Variants in NPHP4 observed in about 807,000 individuals in gnomAD.
NPHP4 encodes the protein nephrocystin 4.
A neutral mutation model predicts 155.8 loss-of-function variants in NPHP4; 151 were observed. The ratio of observed to expected loss-of-function variants is 0.97; its 90% CI spans 0.85 to 1.11. NPHP4 has a LOEUF of 1.11. Ranked by LOEUF, NPHP4 falls within the 50% of genes least tolerant of loss-of-function variation. The pLI, the probability that NPHP4 is intolerant of heterozygous loss-of-function variation, is 0.00. For synonymous variants in NPHP4, 845 were observed against 816.8 expected, an observed-to-expected ratio of 1.03 and a Z score of -0.59; for missense variants, 1,956 against 1,925.7, an observed-to-expected ratio of 1.02 and a Z score of -0.29.
chr1:5,907,476 A>G (rs1023081486), intron 12 of NPHP4, among the ~76,000 whole-genome samples: 2 of 152,262 alleles, frequency 1.3e-5, no homozygotes, highest in Non-Finnish European at 2.9e-5. Flanking sequence ...TATTATTAAC[A>G]AGGAAAACAA....
In NPHP4 at chr1:5,927,863, G is replaced by A. The variant is rs984061917; in HGVS notation, c.1303-76C>T. On this transcript the variant is annotated intron_variant, in intron 10 of 29. Coordinates refer to ENST00000378156, the MANE Select transcript of NPHP4 (RefSeq NM_015102.5). ...TATCAGAACGATCCAACCAGGAACA[G>A]CAGGCTCTGCCCTAAAACAAAGTCT... The A allele has an allele frequency of 2.0e-6, 3 of 1,468,856 alleles. No homozygotes were observed. In the East Asian group the frequency reaches 6.9e-5, roughly 34 times the overall value. The allele number at this position is 1,468,856 out of a possible 1,614,324, so 91.0% of individuals were successfully genotyped here. A position where few individuals can be genotyped will look rare whatever the true frequency, so the allele number is the denominator to read the frequency against.
intron 26 of NPHP4, chr1:5,866,168 G>A (rs972137334): frequency 6.7e-6 from 4 of 593,292 alleles, no homozygotes; most frequent in Non-Finnish European, 1.2e-5. Context: ...AGTCCCTCAG[G>A]CTGCACGTGC....
At chr1:5,968,485 C>T (rs1427083490) in intron 4 of NPHP4, among the ~76,000 whole-genome samples, 1 of 151,954 alleles carries the variant, frequency 6.6e-6, no homozygotes, top group African/African-American at 2.4e-5. Context: ...ACCTGTAATC[C>T]CAGCTACGTG....
intron 5 of NPHP4, among the ~76,000 whole-genome samples, chr1:5,965,471 T>C (rs1378547886): frequency 6.6e-6 from 1 of 152,140 alleles, no homozygotes; most frequent in Non-Finnish European, 1.5e-5. Flanking sequence ...TCCCAGCATA[T>C]GACTAATTAG....
chr1:5,864,371 C>G lies in NPHP4; in HGVS notation c.3963G>C (p.Val1321=). 1 of 1,609,456 alleles carries G rather than the reference C, an allele frequency of 6.2e-7. No individual in the cohort carries two copies. Among genetic ancestry groups the G allele is most frequent in the Non-Finnish European group, 8.5e-7 (1 of 1,178,024 alleles). The part of the protein sequence containing the change: ...DCHQLVASWL[V]CLCCRQPLIS... ...TGAGCGGCTGGCGGCAGCAGAGGCA[C>G]ACGAGCCAGGAGGCCACCAGCTGGT... is the stretch of plus-strand genomic sequence containing the variant. The change falls in exon 28 of 30, where the codon GTG becomes GTC. Residue 1321 remains valine, a synonymous_variant. Transcript: ENST00000378156.
At chr1:5,879,774 TGC>T (rs1491574860) in intron 19 of NPHP4, 9,852 of 327,276 alleles carry the variant, frequency 0.03, 1,027 homozygotes, top group African/African-American at 0.19. Context: ...CCACGAATGG[TGC>T]GCACACACAC....
intron 5 of NPHP4, among the ~76,000 whole-genome samples, chr1:5,967,050 G>A (rs1175602278): frequency 6.6e-6 from 1 of 152,214 alleles, no homozygotes; most frequent in Non-Finnish European, 1.5e-5. Flanking sequence ...CTCCCTCCAG[G>A]TGGCTCTCAC....
intron 13 of NPHP4, among the ~76,000 whole-genome samples, chr1:5,906,609 G>C (rs948806034): frequency 6.6e-6 from 1 of 152,250 alleles, no homozygotes; most frequent in Non-Finnish European, 1.5e-5. Flanking sequence ...CAAAGATGCA[G>C]TTTGCAGGTG....
At chr1:5,932,929 G>A (rs1646351461) in intron 10 of NPHP4, among the ~76,000 whole-genome samples, 1 of 152,214 alleles carries the variant, frequency 6.6e-6, no homozygotes, top group South Asian at 2.1e-4. Flanking sequence ...GTCATCCCAG[G>A]AAATCAGTAT....
At chr1:5,927,305 C>A (rs753529402) in intron 11 of NPHP4, among the ~76,000 whole-genome samples, 3 of 152,176 alleles carry the variant, frequency 2.0e-5, no homozygotes, top group Non-Finnish European at 2.9e-5. Flanking sequence ...ACAGTGCAAA[C>A]GCAAGGTGGC....
chr1:5,883,827 C>A (rs1242885225), intron 18 of NPHP4, among the ~76,000 whole-genome samples: 3 of 152,192 alleles, frequency 2.0e-5, no homozygotes, highest in Non-Finnish European at 4.4e-5. Flanking sequence ...CTATGCACCA[C>A]CCTGAGAAGT....
rs1214730322 is a variant in NPHP4, at chr1:5,869,239, A to ACGCACC, written c.3316-1344_3316-1343insGGTGCG. 5.7e-3 allele frequency among the ~76,000 whole-genome samples: 802 copies of ACGCACC among 141,066 alleles called. 11 individuals are homozygous for ACGCACC. Among genetic ancestry groups the ACGCACC allele is most frequent in the African/African-American group, 0.018 (738 of 39,984 alleles). 92.5% of individuals were successfully genotyped at this position (141,066 alleles called of 152,430 possible). The stretch of plus-strand genomic sequence containing the variant: ...CATACACATCCACCCACATGCACAC[A>ACGCACC]CACACACACACACATGCACACCCAC... On this transcript the variant is annotated intron_variant, in intron 23 of 29. Transcript: ENST00000378156.
chr1:5,874,817 C>T (rs540688449), intron 21 of NPHP4, 57 bp downstream of exon 21: 133 of 1,566,402 alleles, frequency 8.5e-5, no homozygotes, highest in South Asian at 7.4e-4. Context: ...GCAGGGGTGC[C>T]GGCTGCACCC....
At chr1:5,864,277 C>A in intron 28 of NPHP4, 61 bp downstream of exon 28, 1 of 1,472,950 alleles carries the variant, frequency 6.8e-7, no homozygotes, top group Non-Finnish European at 9.2e-7. Context: ...AGGTGGGGGT[C>A]CTGCAGTGCC....
chr1:5,871,105 G>T lies in NPHP4; in HGVS notation c.3315+2147C>A, dbSNP rs79777207. ...TTACCTGATAATTTATTCTCAAATT[G>T]TTCAAGAAAAATGCACAAACAGAGA... On this transcript the variant is annotated intron_variant, in intron 23 of 29. Coordinates refer to ENST00000378156, the MANE Select transcript of NPHP4 (RefSeq NM_015102.5). Among the ~76,000 whole-genome samples, 73 of 152,314 alleles carry T rather than the reference G, an allele frequency of 4.8e-4. No individual in the cohort carries two copies. The East Asian group carries it at 0.014, about 29-fold the overall frequency.
Position 5,867,779 on chromosome 1 carries a change from T to C in NPHP4, c.3433A>G (p.Lys1145Glu). The C allele has an allele frequency of 6.2e-7, 1 of 1,612,244 alleles. No individual in the cohort carries two copies. Among genetic ancestry groups the C allele is most frequent in the Middle Eastern group, 1.7e-4 (1 of 6,058 alleles). The change falls in exon 24 of 30, where the codon AAG (lysine) becomes GAG (glutamate). Residue 1145 changes from lysine (K) to glutamate (E), a missense_variant. Transcript: ENST00000378156. The surrounding 1 kb of genome is among the most constrained non-coding windows in gnomAD (Gnocchi z 4.1). ...CAGGGCGGCAGGCGGATGGCCTTCT[T>C]CAGGAAGGAGAGCTCCGGGTGATAG... ...RFYHPELSFL[K>E]KAIRLPPWHT...
rs767635344 is a variant in NPHP4, at chr1:5,986,225, C to A, written c.65G>T (p.Arg22Leu). The A allele has an allele frequency of 2.5e-6, 4 of 1,613,674 alleles. No homozygotes were observed. The African/African-American group carries it at 5.3e-5, about 22-fold the overall frequency. Residue 22 changes from arginine to leucine, a missense_variant, in exon 2 of 30, where the codon CGC becomes CTC. Arg to Leu is a moderately radical substitution (Grantham distance 102). Transcript: ENST00000378156. ...TGCCGTGGATTCCTTCCAAGGCTGGCGCGCTCTCTGTGGGTGGGGAGGGAC... is the reference window on the plus strand; with the variant it reads ...TGCCGTGGATTCCTTCCAAGGCTGGAGCGCTCTCTGTGGGTGGGGAGGGAC... ...VLVPPHPQRA[R>L]QPWKESTAFQ...
At chr1:5,902,925 CT>C (rs1484584978) in intron 16 of NPHP4, among the ~76,000 whole-genome samples, 1 of 152,166 alleles carries the variant, frequency 6.6e-6, no homozygotes, top group African/African-American at 2.4e-5. Context: ...GACTTCTGAT[CT>C]TGTGGCATTA....
chr1:5,900,072 T>A (rs1376290675), intron 16 of NPHP4, among the ~76,000 whole-genome samples: 1 of 152,182 alleles, frequency 6.6e-6, no homozygotes, highest in African/African-American at 2.4e-5. Flanking sequence ...CAAATGCTGG[T>A]GAGGATATGG....
Sources: gnomAD v4.1 joint callset for allele counts (sites outside exome capture counted in the v4.1 genomes callset) on GRCh38, gnomAD v4.1.1 for gene constraint, Gnocchi (gnomAD v3.1) non-coding constraint, MANE v1.5 for transcripts, NCBI Gene and HGNC (gene_info 2026-07-23, HGNC 2026-07-21) for gene names.